The following SLC1A2 variants were observed in gnomAD, a reference collection of about 807,000 sequenced individuals.
The protein encoded by SLC1A2 is solute carrier family 1 member 2, also known as excitatory amino acid transporter 2.
In SLC1A2, 15 loss-of-function variants were observed where a neutral mutation model predicts 48.8. The ratio of observed to expected loss-of-function variants is 0.31; its 90% confidence interval spans 0.21 to 0.47. SLC1A2 has a LOEUF of 0.47. SLC1A2 is among the 20% of genes least tolerant of loss of function. SLC1A2 has a pLI of 0.99. For missense variants in SLC1A2, 502 were observed against 730.5 expected, an observed-to-expected ratio of 0.69 and a Z score of 3.61; for synonymous variants, 279 against 272.6, an observed-to-expected ratio of 1.02 and a Z score of -0.23.
chr11:35,282,267 C>A (rs1309351787), intron 8 of SLC1A2, among the ~76,000 whole-genome samples: 1 of 152,136 alleles, frequency 6.6e-6, no homozygotes, highest in East Asian at 1.9e-4. Context: ...ATCTGGGTCA[C>A]AGGAGGTACA....
chr11:35,416,717 T>C (rs1855612584), intron 1 of SLC1A2, among the ~76,000 whole-genome samples: 1 of 152,210 alleles, frequency 6.6e-6, no homozygotes, highest in African/African-American at 2.4e-5. Context: ...AATGTATGTT[T>C]CAAGGAAACA....
intron 6 of SLC1A2, among the ~76,000 whole-genome samples, chr11:35,293,033 T>C (rs527419529): frequency 4.6e-5 from 7 of 152,042 alleles, no homozygotes; most frequent in African/African-American, 1.7e-4. Flanking sequence ...TGAGCCAAAA[T>C]GTACATTTAG....
At chr11:35,334,619 G>C (rs1322474580) in intron 1 of SLC1A2, among the ~76,000 whole-genome samples, 4 of 152,156 alleles carry the variant, frequency 2.6e-5, no homozygotes, top group Non-Finnish European at 5.9e-5. Flanking sequence ...GTGGAGGAGG[G>C]CTTCACTATC....
chr11:35,390,041 T>C (rs922924887), intron 1 of SLC1A2, among the ~76,000 whole-genome samples: 2 of 152,270 alleles, frequency 1.3e-5, no homozygotes, highest in Admixed American at 1.3e-4. Context: ...TATTTTTAAA[T>C]GGTCACTATG....
At chr11:35,389,750 A>G (rs1241841955) in intron 1 of SLC1A2, among the ~76,000 whole-genome samples, 1 of 152,048 alleles carries the variant, frequency 6.6e-6, no homozygotes, top group Non-Finnish European at 1.5e-5. Flanking sequence ...GATTACAGGC[A>G]TGAGCTACCA....
intron 1 of SLC1A2, among the ~76,000 whole-genome samples, chr11:35,319,145 G>A (rs528101589): frequency 1.4e-4 from 22 of 152,172 alleles, no homozygotes; most frequent in Non-Finnish European, 2.2e-4. Context: ...AGAAAATAGG[G>A]TATGACTGCT....
At chr11:35,406,458 G>A (rs1855300034) in intron 1 of SLC1A2, among the ~76,000 whole-genome samples, 1 of 152,084 alleles carries the variant, frequency 6.6e-6, no homozygotes, top group African/African-American at 2.4e-5. Flanking sequence ...GCCTCTCTGG[G>A]AAATATTATT....
rs2134576619 is a variant in SLC1A2, at chr11:35,258,437, C to A, written c.*2457G>T. 1 of 152,654 alleles carries A rather than the reference C, an allele frequency of 6.6e-6. No individual in the cohort carries two copies. Among genetic ancestry groups the A allele is most frequent in the South Asian group, 2.1e-4 (1 of 4,830 alleles). The allele number at this position is 152,654 out of a possible 1,614,324, so 9.5% of individuals were successfully genotyped here. A position where few individuals can be genotyped will look rare whatever the true frequency, so the allele number is the denominator to read the frequency against. ...TCAGGCAGAGTTCTGAGAAGAGAAT[C>A]CTGTGACCACTCCATTGAGAAACAT... On this transcript the variant is annotated 3_prime_UTR_variant, in exon 11 of 11. Transcript: ENST00000278379.
At chr11:35,339,565 G>T (rs1379125934) in intron 1 of SLC1A2, among the ~76,000 whole-genome samples, 1 of 152,058 alleles carries the variant, frequency 6.6e-6, no homozygotes, top group Non-Finnish European at 1.5e-5. Flanking sequence ...TGACTCACAG[G>T]ACCCTCTGTC....
Position 35,417,433 on chromosome 11 carries a change from C to T in SLC1A2, c.17+1517G>A, listed in dbSNP as rs145477726. Among the ~76,000 whole-genome samples the T allele has an allele frequency of 4.6e-5, 7 of 152,328 alleles. No individual in the cohort carries two copies. The East Asian group carries it at 1.3e-3, about 29-fold the overall frequency. On this transcript the variant is annotated intron_variant, in intron 1 of 10. Coordinates refer to ENST00000278379, the MANE Select transcript of SLC1A2 (RefSeq NM_004171.4). ...CAGATGTTTTCCACCCTAGCCTTTA[C>T]AAGCAAGGATAAGTCTAGAAGGTCC...
In SLC1A2 at chr11:35,317,392, T is replaced by G. The variant is rs1388208451; in HGVS notation, c.142A>C (p.Thr48Pro). The change falls in exon 2 of 11, where the codon ACC becomes CCC. Residue 48 changes from threonine (T) to proline (P), a missense_variant. Around this residue, in one of 4 missense-constraint regions of SLC1A2, gnomAD observed 89 missense variants for 119.7 expected, o/e 0.74. Coordinates refer to ENST00000278379, the MANE Select transcript of SLC1A2 (RefSeq NM_004171.4). The stretch of plus-strand genomic sequence containing the variant: ...AGGTACCTACCAAACACCGTCAGGG[T>G]GAGCAGCAGATTCTTCCCCAGCTTG... ...CDKLGKNLLL[T>P]LTVFGVILGA... The G allele has an allele frequency of 7.4e-6, 12 of 1,613,836 alleles. No homozygotes were observed. The highest frequency in any genetic ancestry group is 1.0e-5 in the Non-Finnish European group (12 of 1,179,924).
At chr11:35,280,784 A>G (rs578057649) in intron 9 of SLC1A2, 83 bp downstream of exon 9, 2 of 899,216 alleles carry the variant, frequency 2.2e-6, no homozygotes, top group Non-Finnish European at 3.4e-6. Context: ...ATTAGCTAAG[A>G]TCTTGGTTGC....
At chr11:35,320,727 C>T (rs1218987028) in intron 1 of SLC1A2, among the ~76,000 whole-genome samples, 3 of 152,234 alleles carry the variant, frequency 2.0e-5, no homozygotes, top group Non-Finnish European at 4.4e-5. Context: ...CATGCCACTT[C>T]AGTCAGATTT....
At position 35,255,551 on chromosome 11, in the gene SLC1A2, CAA is replaced by C. The variant is rs1950303293; in HGVS notation, c.*5341_*5342del. 6.6e-6 allele frequency: 1 copy of C among 152,192 alleles called. No individual in the cohort carries two copies. Among genetic ancestry groups the C allele is most frequent in the Non-Finnish European group, 1.5e-5 (1 of 68,034 alleles). The allele number at this position is 152,192 out of a possible 1,614,324, so 9.4% of individuals were successfully genotyped here. A position where few individuals can be genotyped will look rare whatever the true frequency, so the allele number is the denominator to read the frequency against. ...ATTGTGCAAGTGTTGTACCAAATTT[CAA>C]AAGAGTGATCAAGGTTATTCACCAA... On this transcript the variant is annotated 3_prime_UTR_variant, in exon 11 of 11. Transcript: ENST00000278379.
chr11:35,296,313 C>A (rs4755395), intron 6 of SLC1A2, among the ~76,000 whole-genome samples: 4 of 152,074 alleles, frequency 2.6e-5, no homozygotes, highest in South Asian at 4.1e-4. Context: ...TGTCAATAGA[C>A]CTAAACACAC....
rs140409062 is a variant in SLC1A2 at position 35,262,159 on chromosome 11, A to G, written c.1654-1194T>C. On this transcript the variant is annotated intron_variant, in intron 10 of 10. Coordinates refer to ENST00000278379, the MANE Select transcript of SLC1A2 (RefSeq NM_004171.4). Reference sequence around the variant, plus strand: ...TTTCCCTTTCAGTGAACTGTCAAGAAAGATTGCCAGGGACAGACTGTCTGC... The same window carrying G: ...TTTCCCTTTCAGTGAACTGTCAAGAGAGATTGCCAGGGACAGACTGTCTGC... Among the ~76,000 whole-genome samples the G allele has an allele frequency of 6.1e-4, 93 of 152,326 alleles. 1 individual carries two copies. The East Asian group carries it at 0.011, about 19-fold the overall frequency.
chr11:35,318,153 G>A (rs1851944545), intron 1 of SLC1A2, among the ~76,000 whole-genome samples: 2 of 152,310 alleles, frequency 1.3e-5, no homozygotes, highest in South Asian at 2.1e-4. Context: ...ATACCACTTA[G>A]AGTCCAAGAA....
rs1232470754 is a variant in SLC1A2 at position 35,376,407 on chromosome 11, G to A, written c.17+42543C>T. Among the ~76,000 whole-genome samples, 7 of 152,086 alleles carry A rather than the reference G, an allele frequency of 4.6e-5. No individual in the cohort carries two copies. The East Asian group carries it at 7.7e-4, about 17-fold the overall frequency. On this transcript the variant is annotated intron_variant, in intron 1 of 10. Coordinates refer to ENST00000278379, the MANE Select transcript of SLC1A2 (RefSeq NM_004171.4). ...GTTGCAAAGTTAATTTCTTAGTTTC[G>A]ATCAATGCTCTATGGTTATGTAATA...
intron 1 of SLC1A2, among the ~76,000 whole-genome samples, chr11:35,341,308 A>G (rs137947633): frequency 4.9e-4 from 74 of 152,306 alleles, no homozygotes; most frequent in African/African-American, 1.5e-3. Flanking sequence ...ACCAACAAGT[A>G]TTTAAGTATT....
Sources: gnomAD v4.1 joint callset for allele counts (sites outside exome capture counted in the v4.1 genomes callset) on GRCh38, gnomAD v4.1.1 for gene constraint, gnomAD v4.1.1 regional missense constraint, MANE v1.5 for transcripts, NCBI Gene and HGNC (gene_info 2026-07-23, HGNC 2026-07-21) for gene names.